Variants in NPIPA9 observed in about 807,000 individuals in gnomAD.
The protein encoded by NPIPA9 is nuclear pore complex-interacting protein family member A9.
intron 3 of NPIPA9, chr16:18,372,133 G>A: frequency 1.5e-5 from 1 of 67,032 alleles, no homozygotes. Context: ...AGGGGGAGGG[G>A]AGGGGGAGGG....
chr16:18,364,405 T>A, intron 5 of NPIPA9, 34 bp from the exon 6 acceptor site: 3 of 12,512 alleles, frequency 2.4e-4, no homozygotes, highest in Non-Finnish European at 5.0e-4. Context: ...TTTGTGTGCA[T>A]ACAAACGGAC....
At chr16:18,371,839 C>T (rs1900553954) in intron 3 of NPIPA9, 1 of 47,782 alleles carries the variant, frequency 2.1e-5, no homozygotes. Context: ...GGAAGAAACC[C>T]CGCGGGTCCA....
intron 3 of NPIPA9, among the ~76,000 whole-genome samples, chr16:18,371,451 T>TAAAAAAAAAAAA (rs778066038): frequency 1.8e-5 from 1 of 56,630 alleles, no homozygotes; most frequent in African/African-American, 7.3e-5. Context: ...GACTCTGTCT[T>TAAAAAAAAAAAA]AAAAAAAAAA....
chr16:18,369,996 A>G (rs1900519167), intron 3 of NPIPA9, among the ~76,000 whole-genome samples: 1 of 144,460 alleles, frequency 6.9e-6, no homozygotes, highest in Non-Finnish European at 1.5e-5. Flanking sequence ...TAGTTCTTAA[A>G]AAGTAACAAG....
chr16:18,365,577 CAAA>C (rs1163144991), intron 4 of NPIPA9, among the ~76,000 whole-genome samples: 1 of 424 alleles, frequency 2.4e-3, no homozygotes, highest in Non-Finnish European at 3.9e-3. Flanking sequence ...GACTCTGTCT[CAAA>C]AAAAAAAAAA....
At chr16:18,375,104 C>T in intron 1 of NPIPA9, 35 bp from the exon 2 acceptor site, 2 of 686,208 alleles carry the variant, frequency 2.9e-6, no homozygotes, top group South Asian at 3.5e-5. Flanking sequence ...CGGGCGGCAG[C>T]TCAGACCTGC....
chr16:18,372,140 A>T, intron 3 of NPIPA9: 1 of 37,814 alleles, frequency 2.6e-5, no homozygotes, highest in Non-Finnish European at 4.8e-5. Flanking sequence ...GGGGAGGGGG[A>T]GGGGAAGGGG....
Position 18,376,835 on chromosome 16 carries a change from C to T in NPIPA9, c.-407G>A. On this transcript the variant is annotated 5_prime_UTR_variant, in exon 1 of 10. Coordinates refer to ENST00000427999, the Ensembl canonical transcript of NPIPA9. ...CAACAGCGACTGTGTCGACGCTCAG[C>T]GGGTTCAGCCTGGACACACGCCCCG... The T allele has an allele frequency of 1.4e-5, 6 of 423,620 alleles. 1 individual carries two copies. The highest frequency in any genetic ancestry group is 1.7e-5 in the Non-Finnish European group (4 of 236,094). The allele number at this position is 423,620 out of a possible 1,614,324, so 26.2% of individuals were successfully genotyped here. A position where few individuals can be genotyped will look rare whatever the true frequency, so the allele number is the denominator to read the frequency against.
chr16:18,376,832 C>A, exon 1 of NPIPA9: 1 of 423,580 alleles, frequency 2.4e-6, no homozygotes, highest in Non-Finnish European at 4.2e-6. Context: ...TGTCGACGCT[C>A]AGCGGGTTCA....
At position 18,374,933 on chromosome 16, in the gene NPIPA9, AC is replaced by A. The variant is rs1182687699; in HGVS notation, c.-172del. On this transcript the variant is annotated 5_prime_UTR_variant, in exon 2 of 10. An upstream open reading frame in the 5' UTR loses its in-frame stop. Transcript: ENST00000427999. ...GTCCAAGCTGCGCCAAGGCGGCAGG[AC>A]CCCCAGTAGAGCCCTCACCTCAGCG... 3.6e-6 allele frequency: 2 copies of A among 549,086 alleles called. 1 individual carries two copies. The highest frequency in any genetic ancestry group is 6.3e-6 in the Non-Finnish European group (2 of 315,504). 34.0% of individuals were successfully genotyped at this position (549,086 alleles called of 1,614,324 possible). A position where few individuals can be genotyped will look rare whatever the true frequency, so the allele number is the denominator to read the frequency against.
Position 18,375,099 on chromosome 16 carries a change from G to C in NPIPA9, c.-307-30C>G, listed in dbSNP as rs79360213. Reference sequence around the variant, plus strand: ...AGGACAAGGGCAGTGGTCAGCGGGCGGCAGCTCAGACCTGCTCAGGACAGG... The same window carrying C: ...AGGACAAGGGCAGTGGTCAGCGGGCCGCAGCTCAGACCTGCTCAGGACAGG... On this transcript the variant is annotated intron_variant, in intron 1 of 9. Coordinates refer to ENST00000427999, the Ensembl canonical transcript of NPIPA9. 3 of 732,680 alleles carry C rather than the reference G, an allele frequency of 4.1e-6. 1 individual carries two copies. The highest frequency in any genetic ancestry group is 3.9e-4 in the Middle Eastern group (1 of 2,584). 45.4% of individuals were successfully genotyped at this position (732,680 alleles called of 1,614,324 possible). A position where few individuals can be genotyped will look rare whatever the true frequency, so the allele number is the denominator to read the frequency against.
At chr16:18,375,111 C>G (rs1900585557) in intron 1 of NPIPA9, 42 bp from the exon 2 acceptor site, 1 of 667,410 alleles carries the variant, frequency 1.5e-6, no homozygotes, top group Non-Finnish European at 2.4e-6. Flanking sequence ...CAGCTCAGAC[C>G]TGCTCAGGAC....
chr16:18,375,294 A>G (rs1411090064), intron 1 of NPIPA9, among the ~76,000 whole-genome samples: 18 of 147,276 alleles, frequency 1.2e-4, no homozygotes, highest in South Asian at 6.5e-4. Context: ...ACAGAGTTTT[A>G]AATTTCATTT....
rs1219723617 is a variant in NPIPA9, at chr16:18,375,195, G to C, written c.-307-126C>G. ...TCTGACAGAATGTCCTAGAATGCTA[G>C]ATATATGGGACATCTGCACCGTCCG... On this transcript the variant is annotated intron_variant, in intron 1 of 9. Coordinates refer to ENST00000427999, the Ensembl canonical transcript of NPIPA9. The C allele has an allele frequency of 1.3e-5, 7 of 524,200 alleles. 1 individual carries two copies. Among genetic ancestry groups the C allele is most frequent in the African/African-American group, 3.0e-5 (1 of 33,666 alleles). 32.5% of individuals were successfully genotyped at this position (524,200 alleles called of 1,614,324 possible).
chr16:18,365,270 G>T (rs1900495055), intron 4 of NPIPA9, among the ~76,000 whole-genome samples: 3 of 63,592 alleles, frequency 4.7e-5, no homozygotes, highest in African/African-American at 1.8e-4. Flanking sequence ...TTCAAACTCT[G>T]TCTCAAAAAA....
At chr16:18,371,477 A>AAAAAAAG (rs1214808508) in intron 3 of NPIPA9, among the ~76,000 whole-genome samples, 2 of 123,706 alleles carry the variant, frequency 1.6e-5, no homozygotes, top group African/African-American at 5.9e-5. Flanking sequence ...AAAAAAAAAA[A>AAAAAAAG]GTCATCAAAC....
At chr16:18,374,770 A>G in intron 2 of NPIPA9, 62 bp downstream of exon 2, 1 of 431,146 alleles carries the variant, frequency 2.3e-6, no homozygotes, top group Non-Finnish European at 3.9e-6. Flanking sequence ...CAGCCCGCAC[A>G]CCCCCGGTAC....
At chr16:18,369,959 C>A (rs1230973517) in intron 3 of NPIPA9, among the ~76,000 whole-genome samples, 1 of 146,902 alleles carries the variant, frequency 6.8e-6, no homozygotes. Context: ...GAAGAGATTA[C>A]TTCATTCACA....
At chr16:18,375,357 C>T (rs1464781798) in intron 1 of NPIPA9, among the ~76,000 whole-genome samples, 343 of 146,692 alleles carry the variant, frequency 2.3e-3, no homozygotes, top group African/African-American at 8.5e-3. Flanking sequence ...AGTGCACTGG[C>T]GCAATCTCAG....
Sources: allele counts gnomAD v4.1 joint callset (sites outside exome capture counted in the v4.1 genomes callset), GRCh38; gene constraint gnomAD v4.1.1; transcripts MANE v1.5; gene names NCBI Gene and HGNC (gene_info 2026-07-23, HGNC 2026-07-21).